The following TAFA2 variants were observed in gnomAD, a reference collection of about 807,000 sequenced individuals.
TAFA2 encodes the protein chemokine-like protein TAFA-2.
TAFA2 carries 7 observed loss-of-function variants against 18.8 expected under a neutral mutation model. The ratio of observed to expected loss-of-function variants is 0.37; its 90% CI spans 0.21 to 0.70. TAFA2 has a LOEUF of 0.70. TAFA2 is among the 30% of genes least tolerant of loss of function. The pLI is 0.53. For synonymous variants in TAFA2, 60 were observed against 54.2 expected, an observed-to-expected ratio of 1.11 and a Z score of -0.47; for missense variants, 122 against 158.1, an observed-to-expected ratio of 0.77 and a Z score of 1.23.
At chr12:62,206,162 G>A (rs2062690790) in intron 1 of TAFA2, among the ~76,000 whole-genome samples, 1 of 152,062 alleles carries the variant, frequency 6.6e-6, no homozygotes, top group Non-Finnish European at 1.5e-5. Context: ...TTTCTAGTCA[G>A]CCATCTTGAC....
intron 1 of TAFA2, among the ~76,000 whole-genome samples, chr12:61,897,049 G>C (rs915818074): frequency 6.6e-6 from 1 of 152,012 alleles, no homozygotes; most frequent in African/African-American, 2.4e-5. Flanking sequence ...AGTAACATAG[G>C]TATATTTAGA....
intron 2 of TAFA2, among the ~76,000 whole-genome samples, chr12:61,795,169 T>G (rs1871140833): frequency 6.6e-6 from 1 of 152,210 alleles, no homozygotes; most frequent in South Asian, 2.1e-4. Flanking sequence ...GAAGAGAGTG[T>G]GGCAATTCCT....
intron 1 of TAFA2, among the ~76,000 whole-genome samples, chr12:62,002,981 C>T (rs201672948): frequency 1.3e-5 from 2 of 152,156 alleles, no homozygotes; most frequent in African/African-American, 4.8e-5. Flanking sequence ...GACATCCTCT[C>T]TACCCTTCTT....
intron 2 of TAFA2, among the ~76,000 whole-genome samples, chr12:61,791,171 G>A (rs74550545): frequency 2.3e-3 from 346 of 151,930 alleles, no homozygotes; most frequent in African/African-American, 8.3e-3. Flanking sequence ...AATGAAACTG[G>A]ACATGTATCT....
intron 1 of TAFA2, among the ~76,000 whole-genome samples, chr12:62,166,174 T>TA (rs1168342635): frequency 6.6e-6 from 1 of 152,102 alleles, no homozygotes. Context: ...TCTTATTCTT[T>TA]AAAAAAATTA....
At chr12:61,990,432 C>T (rs12831029) in intron 1 of TAFA2, among the ~76,000 whole-genome samples, 3 of 148,330 alleles carry the variant, frequency 2.0e-5, no homozygotes, top group East Asian at 4.1e-4. Context: ...CTCTGCCTCC[C>T]GGGTTCACAC....
chr12:62,063,557 G>C (rs1210964769), intron 1 of TAFA2, among the ~76,000 whole-genome samples: 1 of 152,126 alleles, frequency 6.6e-6, no homozygotes, highest in East Asian at 1.9e-4. Flanking sequence ...ACCTTTGATA[G>C]AAAGGCAGAT....
intron 1 of TAFA2, among the ~76,000 whole-genome samples, chr12:62,159,921 T>A (rs1347523300): frequency 6.6e-6 from 1 of 152,238 alleles, no homozygotes; most frequent in Non-Finnish European, 1.5e-5. Flanking sequence ...TTGGATGTTC[T>A]TAGACTCCCC....
chr12:61,778,402 G>A (rs1161195591), intron 2 of TAFA2, among the ~76,000 whole-genome samples: 1 of 151,670 alleles, frequency 6.6e-6, no homozygotes, highest in East Asian at 2.0e-4. Flanking sequence ...GAGTTCTAGT[G>A]ACTCCCTGTG....
chr12:62,118,819 G>A (rs562749274), intron 1 of TAFA2, among the ~76,000 whole-genome samples: 114 of 152,046 alleles, frequency 7.5e-4, no homozygotes, highest in Admixed American at 3.2e-3. Flanking sequence ...TTACTGATTT[G>A]TAGATAATTT....
intron 1 of TAFA2, among the ~76,000 whole-genome samples, chr12:61,902,691 C>T (rs1055830894): frequency 7.2e-5 from 11 of 152,174 alleles, no homozygotes; most frequent in African/African-American, 2.7e-4. Flanking sequence ...ACAACCTCTT[C>T]ACTGTTCATT....
At chr12:62,249,799 A>C (rs1286520689) in intron 1 of TAFA2, among the ~76,000 whole-genome samples, 4 of 152,200 alleles carry the variant, frequency 2.6e-5, no homozygotes, top group Admixed American at 6.5e-5. Flanking sequence ...CTTTAAGAGC[A>C]AGAGTTTCCA....
intron 1 of TAFA2, among the ~76,000 whole-genome samples, chr12:62,112,882 T>C (rs1426423448): frequency 6.6e-6 from 1 of 152,188 alleles, no homozygotes; most frequent in Non-Finnish European, 1.5e-5. Flanking sequence ...GCAGTTTCTC[T>C]AACCTTTTAT....
chr12:61,892,375 C>G (rs1875674369), intron 1 of TAFA2, among the ~76,000 whole-genome samples: 1 of 152,144 alleles, frequency 6.6e-6, no homozygotes, highest in African/African-American at 2.4e-5. Flanking sequence ...GGAGAATTAA[C>G]TTCTAGAGCA....
At chr12:62,119,844 C>T (rs778534875) in intron 1 of TAFA2, among the ~76,000 whole-genome samples, 5 of 152,040 alleles carry the variant, frequency 3.3e-5, no homozygotes, top group Admixed American at 2.0e-4. Flanking sequence ...GAGGCCGAGA[C>T]GGTTGGATCA....
At chr12:61,942,053 G>A (rs1878049406) in intron 1 of TAFA2, among the ~76,000 whole-genome samples, 1 of 151,686 alleles carries the variant, frequency 6.6e-6, no homozygotes, top group Non-Finnish European at 1.5e-5. Flanking sequence ...AAATGTCCCT[G>A]TCTGAAAGCC....
At chr12:61,855,986 A>G (rs1873866807) in intron 2 of TAFA2, among the ~76,000 whole-genome samples, 1 of 152,140 alleles carries the variant, frequency 6.6e-6, no homozygotes, top group Non-Finnish European at 1.5e-5. Context: ...TTCACTCAAT[A>G]TTAAAAGACA....
chr12:62,022,375 C>A (rs777716859), intron 1 of TAFA2, among the ~76,000 whole-genome samples: 1 of 152,138 alleles, frequency 6.6e-6, no homozygotes, highest in Non-Finnish European at 1.5e-5. Context: ...ATATGTAATG[C>A]CATTTTCTTC....
chr12:61,746,011 C>T (rs986799609), intron 4 of TAFA2, among the ~76,000 whole-genome samples: 1 of 151,692 alleles, frequency 6.6e-6, no homozygotes, highest in Non-Finnish European at 1.5e-5. Context: ...CTGAATAAGG[C>T]CAGAGAGCCT....
Sources: allele counts gnomAD v4.1 joint callset (sites outside exome capture counted in the v4.1 genomes callset), GRCh38; gene constraint gnomAD v4.1.1; transcripts MANE v1.5; gene names NCBI Gene and HGNC (gene_info 2026-07-23, HGNC 2026-07-21).